Variants in ZMYM5 observed in about 807,000 individuals in gnomAD.
ZMYM5 encodes the protein zinc finger MYM-type protein 5.
ZMYM5 carries 41 observed loss-of-function variants against 61.8 expected under a neutral mutation model. The observed-to-expected ratio is 0.66, with a 90% CI of 0.52 to 0.86. ZMYM5 has a LOEUF of 0.86. ZMYM5 is among the 40% of genes least tolerant of loss of function. The probability of loss-of-function intolerance (pLI) is 0.00; values close to 1 mark genes in which losing one functional copy is unlikely to be tolerated. For synonymous variants in ZMYM5, 257 were observed against 276.4 expected, an observed-to-expected ratio of 0.93 and a Z score of 0.70; for missense variants, 706 against 786.7, an observed-to-expected ratio of 0.90 and a Z score of 1.23.
Position 19,837,798 on chromosome 13 carries a change from T to C in ZMYM5, c.896A>G (p.Asn299Ser), listed in dbSNP as rs1305661423. The change falls in exon 6 of 8, where the codon AAT becomes AGT. Residue 299 changes from asparagine to serine, a missense_variant. Physicochemically the swap from Asn to Ser is conservative, Grantham distance 46. Around this residue, in one of 2 missense-constraint regions of ZMYM5, gnomAD observed 480 missense variants for 461.7 expected, o/e 1.04. Coordinates refer to ENST00000337963, the MANE Select transcript of ZMYM5 (RefSeq NM_001142684.2). The part of the protein sequence containing the change: ...CKKDASTKKA[N>S]VILPVESSKS... Reference sequence around the variant, plus strand: ...GCTTGATTCTACTGGAAGAATGACATTAGCCTTCTTTGTAGATGCATCTCT... The same window carrying C: ...GCTTGATTCTACTGGAAGAATGACACTAGCCTTCTTTGTAGATGCATCTCT... 1 of 1,591,846 alleles carries C rather than the reference T, an allele frequency of 6.3e-7. No individual in the cohort carries two copies. Among genetic ancestry groups the C allele is most frequent in the Non-Finnish European group, 8.5e-7 (1 of 1,175,378 alleles).
chr13:19,829,481 G>A (rs965946317), intron 7 of ZMYM5, among the ~76,000 whole-genome samples: 8 of 151,914 alleles, frequency 5.3e-5, no homozygotes, highest in African/African-American at 1.9e-4. Context: ...GTAGAGACAG[G>A]GGTCTCACCA....
chr13:19,828,442 C>T (rs1263106751), intron 7 of ZMYM5, among the ~76,000 whole-genome samples: 2 of 152,080 alleles, frequency 1.3e-5, no homozygotes, highest in Non-Finnish European at 2.9e-5. Context: ...CCATTGCACT[C>T]CAGCCTGGGA....
At position 19,846,466 on chromosome 13, in the gene ZMYM5, AAT is replaced by A. The variant is rs535058456; in HGVS notation, c.586+4887_586+4888del. On this transcript the variant is annotated intron_variant, in intron 4 of 7. Coordinates refer to ENST00000337963, the MANE Select transcript of ZMYM5 (RefSeq NM_001142684.2). ...ACAGAGTATTTGTTGCTGATGAGAA[AAT>A]ATGAGCTTTCAAGTGAAAAATCAGA... Among the ~76,000 whole-genome samples, 444 of 152,300 alleles carry A rather than the reference AAT, an allele frequency of 2.9e-3. 1 individual carries two copies. Among genetic ancestry groups the A allele is most frequent in the Non-Finnish European group, 4.4e-3 (298 of 68,026 alleles).
intron 2 of ZMYM5, among the ~76,000 whole-genome samples, chr13:19,855,909 G>A (rs143209279): frequency 0.011 from 1,681 of 151,712 alleles, 30 homozygotes; most frequent in African/African-American, 0.039. Context: ...CCAGCTACTC[G>A]GGAGGCTGAG....
At chr13:19,842,460 T>C (rs1477497524) in intron 4 of ZMYM5, among the ~76,000 whole-genome samples, 2 of 152,120 alleles carry the variant, frequency 1.3e-5, no homozygotes, top group African/African-American at 4.8e-5. Flanking sequence ...ATAATCAATG[T>C]CATCTTATTC....
chr13:19,851,010 A>T (rs35634189), intron 4 of ZMYM5, among the ~76,000 whole-genome samples: 16,418 of 152,170 alleles, frequency 0.11, 1,011 homozygotes, highest in Middle Eastern at 0.14. Flanking sequence ...GGAGTTCGAG[A>T]TCAGCTTGGT....
intron 4 of ZMYM5, among the ~76,000 whole-genome samples, chr13:19,849,661 G>C (rs915366560): frequency 6.6e-6 from 1 of 152,016 alleles, no homozygotes; most frequent in Non-Finnish European, 1.5e-5. Context: ...TTCGTAACCA[G>C]AAGATAAAAT....
At chr13:19,849,340 G>A (rs1374657299) in intron 4 of ZMYM5, among the ~76,000 whole-genome samples, 2 of 151,894 alleles carry the variant, frequency 1.3e-5, no homozygotes, top group African/African-American at 4.8e-5. Context: ...CTGAGGCTGG[G>A]TTCAAACTCC....
At chr13:19,858,277 C>T (rs1433942058) in intron 2 of ZMYM5, among the ~76,000 whole-genome samples, 2 of 151,484 alleles carry the variant, frequency 1.3e-5, no homozygotes, top group African/African-American at 2.4e-5. Context: ...AATCACTAGC[C>T]CAGCAGGGAT....
At chr13:19,856,199 G>C (rs1953503243) in intron 2 of ZMYM5, among the ~76,000 whole-genome samples, 1 of 152,184 alleles carries the variant, frequency 6.6e-6, no homozygotes, top group Non-Finnish European at 1.5e-5. Context: ...TAGCCAATTA[G>C]CTATGTGGCA....
At chr13:19,859,654 A>G (rs1183749085) in intron 2 of ZMYM5, among the ~76,000 whole-genome samples, 19 of 151,200 alleles carry the variant, frequency 1.3e-4, no homozygotes, top group Admixed American at 1.1e-3. Flanking sequence ...TGATCTGCCC[A>G]CCTTGGCCTC....
At chr13:19,844,274 C>T (rs1208621879) in intron 4 of ZMYM5, among the ~76,000 whole-genome samples, 1 of 152,112 alleles carries the variant, frequency 6.6e-6, no homozygotes, top group African/African-American at 2.4e-5. Flanking sequence ...TGTGCCACTG[C>T]ACTCCAGCCT....
chr13:19,824,699 A>C lies in ZMYM5; in HGVS notation c.1788T>G (p.Phe596Leu). The change falls in exon 8 of 8, where the codon TTT becomes TTG. Residue 596 changes from phenylalanine (F) to leucine (L), a missense_variant. By Grantham distance (22) the Phe-to-Leu change is conservative (BLOSUM62 0). Transcript: ENST00000337963. ...DSVFCLYCKL[F>L]GEGKNQLKNE... ...TTTTCAGTTGATTTTTTCCTTCCCC[A>C]AAGAGTTTGCAATATAGACAAAACA... 1 of 1,351,866 alleles carries C rather than the reference A, an allele frequency of 7.4e-7. No homozygotes were observed. 83.7% of individuals were successfully genotyped at this position (1,351,866 alleles called of 1,614,324 possible). A position where few individuals can be genotyped will look rare whatever the true frequency, so the allele number is the denominator to read the frequency against.
intron 7 of ZMYM5, among the ~76,000 whole-genome samples, chr13:19,830,205 C>G (rs1891132572): frequency 1.3e-5 from 2 of 152,106 alleles, no homozygotes; most frequent in African/African-American, 4.8e-5. Flanking sequence ...CAGCAATAAG[C>G]TACTAAGTGC....
At chr13:19,856,504 G>A (rs144928445) in intron 2 of ZMYM5, among the ~76,000 whole-genome samples, 361 of 152,150 alleles carry the variant, frequency 2.4e-3, no homozygotes, top group Middle Eastern at 0.01. Flanking sequence ...GCCAAGCGTG[G>A]TGATGCATGC....
intron 4 of ZMYM5, among the ~76,000 whole-genome samples, chr13:19,841,105 C>T (rs1169732518): frequency 6.6e-6 from 1 of 150,634 alleles, no homozygotes; most frequent in Non-Finnish European, 1.5e-5. Context: ...GCTGGGATTA[C>T]AGGAGCACGC....
rs555278490 is a variant in ZMYM5 at position 19,824,887 on chromosome 13, G to A, written c.1600C>T (p.Arg534Trp). ...GGAACATTTTCAACAAGAGTGTCCC[G>A]TTGTTTAATATTCAAAATTCGGGGC... Reference protein sequence around the residue: ...TWPRILNIKQRDTLVENVPPQ... With the variant: ...TWPRILNIKQWDTLVENVPPQ... The change falls in exon 8 of 8, where the codon CGG becomes TGG. Residue 534 changes from arginine to tryptophan, a missense_variant. Around this residue, in one of 2 missense-constraint regions of ZMYM5, gnomAD observed 226 missense variants for 325.0 expected, o/e 0.70. Transcript: ENST00000337963. 21 of 1,356,792 alleles carry A rather than the reference G, an allele frequency of 1.5e-5. No homozygotes were observed. The highest frequency in any genetic ancestry group is 2.1e-4 in the Middle Eastern group (1 of 4,746). 84.0% of individuals were successfully genotyped at this position (1,356,792 alleles called of 1,614,324 possible). A position where few individuals can be genotyped will look rare whatever the true frequency, so the allele number is the denominator to read the frequency against.
At chr13:19,847,686 A>G (rs1953126482) in intron 4 of ZMYM5, among the ~76,000 whole-genome samples, 3 of 147,388 alleles carry the variant, frequency 2.0e-5, no homozygotes, top group South Asian at 4.2e-4. Context: ...TCTGTCGCCC[A>G]TGCTGGAGTG....
intron 6 of ZMYM5, among the ~76,000 whole-genome samples, chr13:19,837,066 C>A: frequency 6.7e-6 from 1 of 149,394 alleles, no homozygotes; most frequent in Admixed American, 6.7e-5. Context: ...GAGTCTTGCT[C>A]TATCACCCAG....
Sources: allele counts gnomAD v4.1 joint callset (sites outside exome capture counted in the v4.1 genomes callset), GRCh38; gene constraint gnomAD v4.1.1; regional missense constraint gnomAD v4.1.1; transcripts MANE v1.5; gene names NCBI Gene and HGNC (gene_info 2026-07-23, HGNC 2026-07-21).